The following XAB2 variants were observed in gnomAD, a reference collection of about 807,000 sequenced individuals.
XAB2 encodes XPA binding protein 2.
XAB2 carries 57 observed loss-of-function variants against 113.4 expected under a neutral mutation model. The ratio of observed to expected loss-of-function variants is 0.50; its 90% CI spans 0.41 to 0.63. The LOEUF is 0.63. Among genes scored for constraint, XAB2 ranks in the 20% least tolerant of loss-of-function variants. The probability of loss-of-function intolerance (pLI) is 0.00; values close to 1 mark genes in which losing one functional copy is unlikely to be tolerated. For missense variants in XAB2, 1,037 were observed against 1,233.3 expected (o/e 0.84, Z 2.38); for synonymous variants, 497 against 498.8 (o/e 1.00, Z 0.05).
chr19:7,621,647 C>T (rs751988283), intron 12 of XAB2: 27 of 324,842 alleles, frequency 8.3e-5, no homozygotes, highest in Non-Finnish European at 8.7e-5. Context: ...CAGTAGCACG[C>T]GTATGCATGT....
chr19:7,626,184 C>T lies in XAB2; in HGVS notation c.609G>A (p.Val203=). 1 of 1,613,768 alleles carries T rather than the reference C, an allele frequency of 6.2e-7. No individual in the cohort carries two copies. The highest frequency in any genetic ancestry group is 1.7e-5 in the Admixed American group (1 of 60,032). Residue 203 remains valine (V), a synonymous_variant, in exon 5 of 19, where the codon GTG becomes GTA. Coordinates refer to ENST00000358368, the MANE Select transcript of XAB2 (RefSeq NM_020196.3). The part of the protein sequence containing the change: ...LDEAAQRLAT[V]VNDERFVSKA... The stretch of plus-strand genomic sequence containing the variant: ...TAGACACGAAACGCTCGTCGTTCAC[C>T]ACGGTGGCCAGGCGCTGGGCGGCCT...
At position 7,620,444 on chromosome 19, in the gene XAB2, C is replaced by T. The variant is rs199646554; in HGVS notation, c.2097G>A (p.Thr699=). 1.9e-5 allele frequency: 30 copies of T among 1,608,548 alleles called. No homozygotes were observed. The highest frequency in any genetic ancestry group is 1.6e-4 in the East Asian group (7 of 44,796). ...SFCSQICDPR[T]TGAFWQTWKD... is the part of the protein sequence containing the mutation. ...TCCACGTCTGCCAGAACGCGCCGGT[C>T]GTCTGCGTGGGGGGCAGGGCAGGGG... Residue 699 remains threonine, a splice_region_variant and synonymous_variant, in exon 16 of 19, where the codon ACG becomes ACA. Coordinates refer to ENST00000358368, the MANE Select transcript of XAB2 (RefSeq NM_020196.3).
intron 1 of XAB2, 96 bp downstream of exon 1, chr19:7,629,381 G>A: frequency 6.8e-7 from 1 of 1,463,892 alleles, no homozygotes; most frequent in Non-Finnish European, 9.3e-7. Flanking sequence ...TGGCAGTTTC[G>A]GCCTAAATCT....
rs1470024445 is a variant in XAB2, at chr19:7,627,908, C to T, written c.201-57G>A. The T allele has an allele frequency of 7.6e-6, 12 of 1,582,234 alleles. No individual in the cohort carries two copies. Among genetic ancestry groups the T allele is most frequent in the Non-Finnish European group, 1.0e-5 (12 of 1,159,496 alleles). On this transcript the variant is annotated intron_variant, in intron 2 of 18. Coordinates refer to ENST00000358368, the MANE Select transcript of XAB2 (RefSeq NM_020196.3). This position sits in a 1 kb window ranked among gnomAD's most constrained non-coding sequence, Gnocchi z 4.5. ...GTCAGCTTTATGGACACCCCCAGAA[C>T]CATTTGCCCTGCCCCAGTTGGCAAA...
rs371381188 is a variant in XAB2, at chr19:7,623,821, C to G, written c.1029G>C (p.Leu343=). ...GGCGCAGCAAGACGCTGTTGAGGAG[C>G]AGGGGCCGCCGGCTGATGAGCTGCT... ...RFEQLISRRP[L]LLNSVLLRQN... Residue 343 remains leucine, a synonymous_variant, in exon 8 of 19, where the codon CTG becomes CTC. Transcript: ENST00000358368. This position sits in a 1 kb window ranked among gnomAD's most constrained non-coding sequence, Gnocchi z 4.6. 35 of 1,611,090 alleles carry G rather than the reference C, an allele frequency of 2.2e-5. No homozygotes were observed. Among genetic ancestry groups the G allele is most frequent in the African/African-American group, 4.0e-5 (3 of 74,830 alleles).
chr19:7,628,231 C>T lies in XAB2; in HGVS notation c.119G>A (p.Arg40His), dbSNP rs1338566158. 7 of 1,614,110 alleles carry T rather than the reference C, an allele frequency of 4.3e-6. No homozygotes were observed. Among genetic ancestry groups the T allele is most frequent in the Non-Finnish European group, 5.9e-6 (7 of 1,180,024 alleles). Residue 40 changes from arginine (R) to histidine (H), a missense_variant, in exon 2 of 19, where the codon CGC (arginine) becomes CAC (histidine). Arg to His is a conservative substitution (Grantham distance 29). Coordinates refer to ENST00000358368, the MANE Select transcript of XAB2 (RefSeq NM_020196.3). This position sits in a 1 kb window ranked among gnomAD's most constrained non-coding sequence, Gnocchi z 4.6. The part of the protein sequence containing the change: ...RNQFSVKCWL[R>H]YIEFKQGAPK... ...GGCGCCCTGTTTGAACTCGATGTAG[C>T]GAAGCCAGCATTTGACAGAGAATTG... is the stretch of plus-strand genomic sequence containing the variant.
Position 7,619,594 on chromosome 19 carries a change from C to A in XAB2, c.2560G>T (p.Glu854Ter). The A allele has an allele frequency of 6.3e-7, 1 of 1,595,776 alleles. No individual in the cohort carries two copies. Among genetic ancestry groups the A allele is most frequent in the Admixed American group, 1.7e-5 (1 of 58,742 alleles). ...VPAAVFGSLK[E>*]D ...GATGGGGGAGGGACGGGTCAGTCTT[C>A]CTTCAGGCTCCCAAACACTGCGGCT... is the stretch of plus-strand genomic sequence containing the variant. Residue 854 changes from glutamate (E) to a stop codon, truncating the protein, a stop_gained, in exon 19 of 19, where the codon GAA becomes TAA. Coordinates refer to ENST00000358368, the MANE Select transcript of XAB2 (RefSeq NM_020196.3). LOFTEE classifies it high-confidence loss of function.
Position 7,626,226 on chromosome 19 carries a change from T to C in XAB2, c.567A>G (p.Ser189=), listed in dbSNP as rs1224418570. ...GGGCGGCCTCATCCAGCCGGTCACT[T>C]GACTTGAGGTACTCAATGTACTCCT... The part of the protein sequence containing the change: ...SAEEYIEYLK[S]SDRLDEAAQR... The change falls in exon 5 of 19, where the codon TCA becomes TCG. Residue 189 remains serine (S), a synonymous_variant. Coordinates refer to ENST00000358368, the MANE Select transcript of XAB2 (RefSeq NM_020196.3). The C allele has an allele frequency of 6.2e-7, 1 of 1,613,632 alleles. No individual in the cohort carries two copies. The highest frequency in any genetic ancestry group is 8.5e-7 in the Non-Finnish European group (1 of 1,180,028).
Position 7,620,795 on chromosome 19 carries a change from T to A in XAB2, c.1971+51A>T, listed in dbSNP as rs374568029. ...GCCCCTCCCACCTGCCTGGACCCCT[T>A]CCGTCTGCTCAGGGACCTCTGGCCC... is the stretch of plus-strand genomic sequence containing the variant. On this transcript the variant is annotated intron_variant, in intron 14 of 18. Transcript: ENST00000358368. 4,381 of 1,563,584 alleles carry A rather than the reference T, an allele frequency of 2.8e-3. 6 individuals are homozygous for A. Among genetic ancestry groups the A allele is most frequent in the Non-Finnish European group, 3.6e-3 (4,108 of 1,152,584 alleles).
At chr19:7,619,905 G>A (rs566731525) in intron 17 of XAB2, 41 bp downstream of exon 17, 140 of 1,609,666 alleles carry the variant, frequency 8.7e-5, no homozygotes, top group Admixed American at 5.0e-4. Context: ...GCCCCCTTGG[G>A]ACCTGTCCCA....
intron 13 of XAB2, 41 bp downstream of exon 13, chr19:7,621,094 A>AT: frequency 1.3e-6 from 2 of 1,494,428 alleles, no homozygotes; most frequent in Non-Finnish European, 1.8e-6. Flanking sequence ...TCAGAAACCC[A>AT]GCCCGCCCGC....
At chr19:7,620,792 C>G in intron 14 of XAB2, 54 bp downstream of exon 14, 1 of 1,564,738 alleles carries the variant, frequency 6.4e-7, no homozygotes, top group South Asian at 1.2e-5. Context: ...TGCCTGGACC[C>G]CTTCCGTCTG....
rs1049424802 is a variant in XAB2, at chr19:7,627,222, C to T, written c.522+21G>A. ...GTTTCTGGAAACTAACCTGGGGAAC[C>T]AGCGCACCTGCTAGGCTCACCTTGA... On this transcript the variant is annotated intron_variant, in intron 4 of 18. Coordinates refer to ENST00000358368, the MANE Select transcript of XAB2 (RefSeq NM_020196.3). This position sits in a 1 kb window ranked among gnomAD's most constrained non-coding sequence, Gnocchi z 4.5. The T allele has an allele frequency of 1.9e-6, 3 of 1,608,690 alleles. No homozygotes were observed. The highest frequency in any genetic ancestry group is 2.7e-5 in the African/African-American group (2 of 74,940).
In XAB2 at chr19:7,623,407, G is replaced by A. The variant is rs2031077077; in HGVS notation, c.1120-118C>T. The A allele has an allele frequency of 1.5e-6, 2 of 1,371,274 alleles. No individual in the cohort carries two copies. The highest frequency in any genetic ancestry group is 2.3e-5 in the East Asian group (1 of 43,224). The allele number at this position is 1,371,274 out of a possible 1,614,324, so 84.9% of individuals were successfully genotyped here. On this transcript the variant is annotated intron_variant, in intron 8 of 18. Coordinates refer to ENST00000358368, the MANE Select transcript of XAB2 (RefSeq NM_020196.3). This position sits in a 1 kb window ranked among gnomAD's most constrained non-coding sequence, Gnocchi z 4.6. ...GGTGCTGTGGCCCCTGTCGGGAGAG[G>A]CCAGAAACGAACTATGGCCCTTGAC...
rs2031070153 is a variant in XAB2, at chr19:7,623,099, C to T, written c.1239+71G>A. On this transcript the variant is annotated intron_variant, in intron 9 of 18. Coordinates refer to ENST00000358368, the MANE Select transcript of XAB2 (RefSeq NM_020196.3). This position sits in a 1 kb window ranked among gnomAD's most constrained non-coding sequence, Gnocchi z 4.6. The stretch of plus-strand genomic sequence containing the variant: ...ACATCCATGCACAAATATGTACACA[C>T]ACATACATGCACACATATACAAGCA... 6.3e-7 allele frequency: 1 copy of T among 1,592,758 alleles called. No individual in the cohort carries two copies. Among genetic ancestry groups the T allele is most frequent in the Non-Finnish European group, 8.6e-7 (1 of 1,168,814 alleles).
Position 7,627,502 on chromosome 19 carries a change from A to T in XAB2, c.325-62T>A. 1 of 1,563,142 alleles carries T rather than the reference A, an allele frequency of 6.4e-7. No homozygotes were observed. The highest frequency in any genetic ancestry group is 1.1e-5 in the South Asian group (1 of 87,546). On this transcript the variant is annotated intron_variant, in intron 3 of 18. Coordinates refer to ENST00000358368, the MANE Select transcript of XAB2 (RefSeq NM_020196.3). This position sits in a 1 kb window ranked among gnomAD's most constrained non-coding sequence, Gnocchi z 4.5. The stretch of plus-strand genomic sequence containing the variant: ...CGGACTCCATGGCCTGGCCACAGAC[A>T]CTCGATGTCCTGTGGCTGAGCCACA...
Position 7,628,436 on chromosome 19 carries a change from A to G in XAB2, c.52-138T>C, listed in dbSNP as rs2031189189. 1 of 1,052,486 alleles carries G rather than the reference A, an allele frequency of 9.5e-7. No individual in the cohort carries two copies. Among genetic ancestry groups the G allele is most frequent in the Non-Finnish European group, 1.4e-6 (1 of 730,838 alleles). The allele number at this position is 1,052,486 out of a possible 1,614,324, so 65.2% of individuals were successfully genotyped here. ...CACCCACCAAGGAAGTCAGGTCACCAGATGCCCAGGCACCAAACCAGATGC... is the reference window on the plus strand; with the variant it reads ...CACCCACCAAGGAAGTCAGGTCACCGGATGCCCAGGCACCAAACCAGATGC... On this transcript the variant is annotated intron_variant, in intron 1 of 18. Coordinates refer to ENST00000358368, the MANE Select transcript of XAB2 (RefSeq NM_020196.3). The surrounding 1 kb of genome is among the most constrained non-coding windows in gnomAD (Gnocchi z 4.6).
Position 7,627,565 on chromosome 19 carries a change from C to A in XAB2, c.325-125G>T. Reference sequence around the variant, plus strand: ...ACATAAATGCGGCGGGACCCAGAAACCCCCAGCTCCAGGACTGAGTCCAGC... The same window carrying A: ...ACATAAATGCGGCGGGACCCAGAAAACCCCAGCTCCAGGACTGAGTCCAGC... On this transcript the variant is annotated intron_variant, in intron 3 of 18. Coordinates refer to ENST00000358368, the MANE Select transcript of XAB2 (RefSeq NM_020196.3). The surrounding 1 kb of genome is among the most constrained non-coding windows in gnomAD (Gnocchi z 4.5). 1.3e-6 allele frequency: 2 copies of A among 1,501,652 alleles called. No individual in the cohort carries two copies. Among genetic ancestry groups the A allele is most frequent in the Non-Finnish European group, 1.8e-6 (2 of 1,107,180 alleles). The allele number at this position is 1,501,652 out of a possible 1,614,324, so 93.0% of individuals were successfully genotyped here.
Position 7,628,417 on chromosome 19 carries a change from C to T in XAB2, c.52-119G>A, listed in dbSNP as rs2031188904. ...ACTTTTACCTAGATCCCACCACCCA[C>T]CAAGGAAGTCAGGTCACCAGATGCC... On this transcript the variant is annotated intron_variant, in intron 1 of 18. Coordinates refer to ENST00000358368, the MANE Select transcript of XAB2 (RefSeq NM_020196.3). This position sits in a 1 kb window ranked among gnomAD's most constrained non-coding sequence, Gnocchi z 4.6. The T allele has an allele frequency of 3.1e-6, 4 of 1,289,252 alleles. No homozygotes were observed. Among genetic ancestry groups the T allele is most frequent in the Non-Finnish European group, 3.2e-6 (3 of 935,464 alleles). The allele number at this position is 1,289,252 out of a possible 1,614,324, so 79.9% of individuals were successfully genotyped here.
Sources: gnomAD v4.1 joint callset for allele counts on GRCh38, gnomAD v4.1.1 for gene constraint, Gnocchi (gnomAD v3.1) non-coding constraint, MANE v1.5 for transcripts, NCBI Gene and HGNC (gene_info 2026-07-23, HGNC 2026-07-21) for gene names.